Variants in EXOC2 observed in about 807,000 individuals in gnomAD.
EXOC2 encodes the protein SEC5-like 1.
A neutral mutation model predicts 131.8 loss-of-function variants in EXOC2; 70 were observed. The observed-to-expected ratio is 0.53, with a 90% CI of 0.44 to 0.65. EXOC2 has a LOEUF of 0.65. Ranked by LOEUF, EXOC2 falls within the 30% of genes least tolerant of loss-of-function variation. The pLI, the probability that EXOC2 is intolerant of heterozygous loss-of-function variation, is 0.00. For synonymous variants in EXOC2, 411 were observed against 398.4 expected (o/e 1.03, Z -0.38); for missense variants, 923 against 1,108.6 (o/e 0.83, Z 2.38).
At chr6:571,281 T>C (rs1446072402) in intron 13 of EXOC2, among the ~76,000 whole-genome samples, 2 of 152,232 alleles carry the variant, frequency 1.3e-5, no homozygotes, top group African/African-American at 2.4e-5. Flanking sequence ...AAAAAATGCA[T>C]TGATAAGTTG....
At chr6:558,493 C>T (rs1757537167) in intron 17 of EXOC2, among the ~76,000 whole-genome samples, 1 of 152,102 alleles carries the variant, frequency 6.6e-6, no homozygotes. Flanking sequence ...ACAATCGAAT[C>T]TGAAATTCAA....
At chr6:500,524 A>G (rs1763985744) in intron 23 of EXOC2, among the ~76,000 whole-genome samples, 1 of 152,104 alleles carries the variant, frequency 6.6e-6, no homozygotes, top group Non-Finnish European at 1.5e-5. Flanking sequence ...TAATTGTCCC[A>G]CCCTTGGGGG....
At chr6:523,595 T>C (rs1765596108) in intron 23 of EXOC2, among the ~76,000 whole-genome samples, 1 of 152,248 alleles carries the variant, frequency 6.6e-6, no homozygotes, top group African/African-American at 2.4e-5. Context: ...TATTTTCATA[T>C]CTATGAATTC....
chr6:675,733 G>A (rs375871829), intron 1 of EXOC2, among the ~76,000 whole-genome samples: 27 of 98,318 alleles, frequency 2.7e-4, no homozygotes, highest in African/African-American at 9.3e-4. Flanking sequence ...TCAACATTAC[G>A]GAAAGGACAG....
At chr6:573,665 A>G (rs1758414582) in intron 12 of EXOC2, among the ~76,000 whole-genome samples, 1 of 144,470 alleles carries the variant, frequency 6.9e-6, no homozygotes, top group African/African-American at 2.6e-5. Flanking sequence ...TATTAATAAA[A>G]TTTCTTAATT....
chr6:499,428 TAA>T (rs1554116806), intron 24 of EXOC2, among the ~76,000 whole-genome samples: 1 of 79,128 alleles, frequency 1.3e-5, no homozygotes, highest in Non-Finnish European at 2.7e-5. Context: ...GACTCACAGT[TAA>T]ACACACACAC....
intron 4 of EXOC2, among the ~76,000 whole-genome samples, chr6:621,926 T>TA (rs1761312385): frequency 1.3e-5 from 2 of 152,182 alleles, no homozygotes; most frequent in South Asian, 4.1e-4. Context: ...GCCTCCAAGT[T>TA]AGAGCTTTGG....
intron 19 of EXOC2, among the ~76,000 whole-genome samples, chr6:555,604 G>A (rs140648811): frequency 3.6e-4 from 55 of 152,202 alleles, no homozygotes; most frequent in Non-Finnish European, 6.9e-4. Flanking sequence ...AACTTTATGT[G>A]CCTGCAAAGC....
intron 22 of EXOC2, among the ~76,000 whole-genome samples, chr6:534,659 T>C (rs1466350483): frequency 6.6e-6 from 1 of 152,232 alleles, no homozygotes; most frequent in Non-Finnish European, 1.5e-5. Context: ...CCGAGAAAGA[T>C]ATTTTTGGAT....
intron 23 of EXOC2, among the ~76,000 whole-genome samples, chr6:520,748 G>A (rs1427335562): frequency 1.5e-5 from 2 of 137,218 alleles, no homozygotes; most frequent in South Asian, 2.3e-4. Flanking sequence ...GACACTCACC[G>A]TCCACACTCG....
chr6:499,233 CCACTGCTA>C (rs1412016824), intron 24 of EXOC2, among the ~76,000 whole-genome samples: 1 of 152,158 alleles, frequency 6.6e-6, no homozygotes, highest in African/African-American at 2.4e-5. Flanking sequence ...GGAATCCCAG[CCACTGCTA>C]CAGGAATCAG....
intron 3 of EXOC2, among the ~76,000 whole-genome samples, chr6:632,103 C>T (rs893284844): frequency 3.3e-5 from 5 of 152,122 alleles, no homozygotes; most frequent in African/African-American, 1.2e-4. Flanking sequence ...TCTGACATTA[C>T]TCTTATTCTA....
At chr6:557,970 A>G (rs578086498) in intron 17 of EXOC2, among the ~76,000 whole-genome samples, 5 of 152,254 alleles carry the variant, frequency 3.3e-5, no homozygotes, top group Admixed American at 1.3e-4. Context: ...CAGAACCACC[A>G]AACATGAGCA....
chr6:523,503 C>T (rs1765589389), intron 23 of EXOC2, among the ~76,000 whole-genome samples: 1 of 152,198 alleles, frequency 6.6e-6, no homozygotes, highest in African/African-American at 2.4e-5. Context: ...TCTATCTGTA[C>T]ATGAAGTATT....
chr6:683,941 G>C (rs1447038335), intron 1 of EXOC2, among the ~76,000 whole-genome samples: 1 of 152,228 alleles, frequency 6.6e-6, no homozygotes, highest in South Asian at 2.1e-4. Context: ...CCGCAGCTGC[G>C]AAGGATTGAA....
At chr6:487,807 T>G (rs907963919) in intron 27 of EXOC2, among the ~76,000 whole-genome samples, 2 of 152,198 alleles carry the variant, frequency 1.3e-5, no homozygotes, top group African/African-American at 2.4e-5. Context: ...AAGAGATTAT[T>G]TCACGGTTTA....
chr6:664,017 C>A (rs879704663), intron 1 of EXOC2, among the ~76,000 whole-genome samples: 1 of 152,122 alleles, frequency 6.6e-6, no homozygotes, highest in South Asian at 2.1e-4. Context: ...AAGATATTAT[C>A]GTTTACCTTG....
chr6:576,826 C>A lies in EXOC2; in HGVS notation c.1249G>T (p.Val417Leu), dbSNP rs1490554958. ...GCTGTCTGACTGAGATGGCCCAACACTGAGGGACGTGTATCATTATCAAGA... is the reference window on the plus strand; with the variant it reads ...GCTGTCTGACTGAGATGGCCCAACAATGAGGGACGTGTATCATTATCAAGA... ...LDLDNDTRPS[V>L]LGHLSQTASL... Residue 417 changes from valine to leucine, a missense_variant, in exon 12 of 28, where the codon GTG (valine) becomes TTG (leucine). Physicochemically the swap from Val to Leu is conservative, Grantham distance 32 (BLOSUM62 1). Coordinates refer to ENST00000230449, the MANE Select transcript of EXOC2 (RefSeq NM_018303.6). The A allele has an allele frequency of 6.2e-7, 1 of 1,614,110 alleles. No individual in the cohort carries two copies. The highest frequency in any genetic ancestry group is 1.7e-5 in the Admixed American group (1 of 60,014).
At chr6:535,054 C>A (rs1194431991) in intron 22 of EXOC2, among the ~76,000 whole-genome samples, 1 of 152,146 alleles carries the variant, frequency 6.6e-6, no homozygotes, top group Non-Finnish European at 1.5e-5. Context: ...ACTTAAATCA[C>A]TGCTCTAATT....
Sources: allele counts gnomAD v4.1 joint callset (sites outside exome capture counted in the v4.1 genomes callset), GRCh38; gene constraint gnomAD v4.1.1; transcripts MANE v1.5; gene names NCBI Gene and HGNC (gene_info 2026-07-23, HGNC 2026-07-21).